Variants in ZNF503 observed in about 807,000 individuals in gnomAD.
The protein encoded by ZNF503 is NocA-like zinc finger 2.
ZNF503 carries 15 observed loss-of-function variants against 34.4 expected under a neutral mutation model. The ratio of observed to expected loss-of-function variants is 0.44; its 90% confidence interval spans 0.29 to 0.67. The LOEUF (loss-of-function observed/expected upper bound fraction) is 0.67, where lower values mean the gene tolerates loss of function less well. Ranked by LOEUF, ZNF503 falls within the 30% of genes least tolerant of loss-of-function variation. The pLI is 0.13. For synonymous variants in ZNF503, 580 were observed against 456.8 expected (o/e 1.27, Z -3.44); for missense variants, 1,007 against 926.8 (o/e 1.09, Z -1.12).
the ZNF503 span, among the ~76,000 whole-genome samples, chr10:75,282,133 C>T: frequency 6.6e-6 from 1 of 152,196 alleles, no homozygotes; most frequent in Non-Finnish European, 1.5e-5. Flanking sequence ...AGATCAAGGG[C>T]CCTCTGGCAG....
At chr10:75,353,143 G>T in the ZNF503 span, among the ~76,000 whole-genome samples, 1 of 152,204 alleles carries the variant, frequency 6.6e-6, no homozygotes, top group African/African-American at 2.4e-5. Flanking sequence ...GAGAAAATAG[G>T]CACATTATAC....
the ZNF503 span, among the ~76,000 whole-genome samples, chr10:75,323,241 C>T: frequency 6.6e-6 from 1 of 152,182 alleles, no homozygotes; most frequent in Non-Finnish European, 1.5e-5. Flanking sequence ...TGTATGGTTG[C>T]ACTATATAAT....
At chr10:75,358,496 G>A in the ZNF503 span, 1 of 152,078 alleles carries the variant, frequency 6.6e-6, no homozygotes, top group African/African-American at 2.4e-5. Context: ...TTTTTCTTTT[G>A]TTCTTTTCTC....
the ZNF503 span, among the ~76,000 whole-genome samples, chr10:75,354,450 C>G: frequency 6.6e-6 from 1 of 152,136 alleles, no homozygotes; most frequent in Non-Finnish European, 1.5e-5. Flanking sequence ...TGGTAGGTCA[C>G]GCCTATAATC....
chr10:75,321,561 G>A, the ZNF503 span, among the ~76,000 whole-genome samples: 2 of 152,300 alleles, frequency 1.3e-5, no homozygotes, highest in South Asian at 4.1e-4. Flanking sequence ...GGCTGAGGAG[G>A]TCTCATATGG....
At chr10:75,326,013 T>C in the ZNF503 span, among the ~76,000 whole-genome samples, 1 of 152,162 alleles carries the variant, frequency 6.6e-6, no homozygotes, top group Non-Finnish European at 1.5e-5. Flanking sequence ...CATGAGCCAC[T>C]GTGCCTGACT....
the ZNF503 span, among the ~76,000 whole-genome samples, chr10:75,384,329 C>G: frequency 6.6e-6 from 1 of 152,068 alleles, no homozygotes; most frequent in Non-Finnish European, 1.5e-5. Context: ...CTCATGAACT[C>G]AGATATATGA....
chr10:75,296,501 C>CA, the ZNF503 span: 1 of 151,760 alleles, frequency 6.6e-6, no homozygotes, highest in Non-Finnish European at 1.5e-5. Context: ...CTCAGACACC[C>CA]CCCCTTCCTC....
At chr10:75,395,263 C>T (rs1442917408), downstream of ZNF503, among the ~76,000 whole-genome samples, 1 of 152,138 alleles carries the variant, frequency 6.6e-6, no homozygotes, top group Non-Finnish European at 1.5e-5. This position sits in a 1 kb window ranked among gnomAD's most constrained non-coding sequence, Gnocchi z 4.4. Context: ...GAATAGAGAA[C>T]GAGGAGGAAA....
the ZNF503 span, among the ~76,000 whole-genome samples, chr10:75,374,394 T>A: frequency 6.6e-6 from 1 of 152,146 alleles, no homozygotes; most frequent in East Asian, 1.9e-4. Context: ...TTTCTGCAAC[T>A]AAACCTCTTA....
the ZNF503 span, among the ~76,000 whole-genome samples, chr10:75,317,967 G>C: frequency 1.4e-4 from 21 of 152,164 alleles, no homozygotes; most frequent in African/African-American, 4.8e-4. Context: ...CTACACTCCA[G>C]CCTGGGCAAC....
the ZNF503 span, among the ~76,000 whole-genome samples, chr10:75,282,763 T>C: frequency 2.0e-5 from 3 of 152,206 alleles, no homozygotes; most frequent in South Asian, 4.1e-4. Flanking sequence ...CTTGGGTAAA[T>C]TAGTCGTGTT....
At chr10:75,380,449 A>G in the ZNF503 span, among the ~76,000 whole-genome samples, 1 of 152,162 alleles carries the variant, frequency 6.6e-6, no homozygotes, top group Middle Eastern at 3.2e-3. Context: ...CGGTACCTAT[A>G]GGCCACTGAA....
At chr10:75,308,863 TG>T in the ZNF503 span, among the ~76,000 whole-genome samples, 1 of 152,130 alleles carries the variant, frequency 6.6e-6, no homozygotes, top group Admixed American at 6.5e-5. Context: ...TTTTTTGAGA[TG>T]GGGGTCTCAC....
chr10:75,401,439 G>C lies in ZNF503; in HGVS notation c.-20C>G. On this transcript the variant is annotated 5_prime_UTR_variant, in exon 1 of 2. Transcript: ENST00000372524. ...GCTCATGACCCACCCGCGCGCATGG[G>C]AGCAGCGGGGGGGAGGGCTCCGGGA... 2.6e-6 allele frequency: 4 copies of C among 1,527,910 alleles called. No homozygotes were observed. In the South Asian group the frequency reaches 4.8e-5, roughly 18 times the overall value. The allele number at this position is 1,527,910 out of a possible 1,614,324, so 94.6% of individuals were successfully genotyped here.
In ZNF503 at chr10:75,399,825, C is replaced by T. The variant is rs1168798299; in HGVS notation, c.865G>A (p.Gly289Arg). ...LAHGRISCGG[G>R]INVDVNQHPD... is the part of the protein sequence containing the mutation. ...TGCTGGTTCACATCCACATTAATCC[C>T]GCCGCCGCAGCTAATCCGGCCGTGT... Residue 289 changes from glycine (G) to arginine (R), a missense_variant, in exon 2 of 2, where the codon GGG becomes AGG. Transcript: ENST00000372524. The T allele has an allele frequency of 4.4e-6, 7 of 1,603,890 alleles. No individual in the cohort carries two copies. Among genetic ancestry groups the T allele is most frequent in the Non-Finnish European group, 5.1e-6 (6 of 1,176,892 alleles).
At position 75,398,524 on chromosome 10, in the gene ZNF503, TTTA is replaced by T. The variant is rs1485470163; in HGVS notation, c.*222_*224del. 2.5e-6 allele frequency: 1 copy of T among 399,094 alleles called. No individual in the cohort carries two copies. Among genetic ancestry groups the T allele is most frequent in the Non-Finnish European group, 4.4e-6 (1 of 228,524 alleles). 24.7% of individuals were successfully genotyped at this position (399,094 alleles called of 1,614,324 possible). ...AAAGTCAAATGATATTTTTTCAACTTTTATAAAGTTTGGGTGGGGAGGTGAAAG... is the reference window on the plus strand; with the variant it reads ...AAAGTCAAATGATATTTTTTCAACTTTAAAGTTTGGGTGGGGAGGTGAAAG... On this transcript the variant is annotated 3_prime_UTR_variant, in exon 2 of 2. Coordinates refer to ENST00000372524, the MANE Select transcript of ZNF503 (RefSeq NM_032772.6).
the ZNF503 span, among the ~76,000 whole-genome samples, chr10:75,287,127 T>C: frequency 6.6e-6 from 1 of 151,772 alleles, no homozygotes; most frequent in Non-Finnish European, 1.5e-5. Flanking sequence ...CCCCGTGGGG[T>C]CAGAAGTGCC....
chr10:75,342,855 C>A, the ZNF503 span, among the ~76,000 whole-genome samples: 1 of 152,192 alleles, frequency 6.6e-6, no homozygotes, highest in Non-Finnish European at 1.5e-5. Flanking sequence ...ATCCCCAGAC[C>A]TTAGCCCAGT....
Sources: allele counts gnomAD v4.1 joint callset (sites outside exome capture counted in the v4.1 genomes callset), GRCh38; gene constraint gnomAD v4.1.1; non-coding constraint Gnocchi (gnomAD v3.1); transcripts MANE v1.5; gene names NCBI Gene and HGNC (gene_info 2026-07-23, HGNC 2026-07-21).